Variants in MED13L observed in about 807,000 individuals in gnomAD.
MED13L encodes mediator of RNA polymerase II transcription subunit 13-like.
MED13L carries 7 observed loss-of-function variants against 220.9 expected under a neutral mutation model. The ratio of observed to expected loss-of-function variants is 0.03; its 90% CI spans 0.02 to 0.06. The LOEUF is 0.06. MED13L is among the 10% of genes least tolerant of loss of function. The pLI, the probability that MED13L is intolerant of heterozygous loss-of-function variation, is 1.00. For synonymous variants in MED13L, 1,011 were observed against 1,015.2 expected, an observed-to-expected ratio of 1.00 and a Z score of 0.08; for missense variants, 1,965 against 2,760.5, an observed-to-expected ratio of 0.71 and a Z score of 6.46.
chr12:116,094,130 A>G (rs1872474643), intron 4 of MED13L, among the ~76,000 whole-genome samples: 1 of 152,208 alleles, frequency 6.6e-6, no homozygotes, highest in African/African-American at 2.4e-5. Context: ...CTCAGGCATG[A>G]CTACTGAGAT....
At chr12:115,963,845 C>A (rs1875945851) in intron 29 of MED13L, among the ~76,000 whole-genome samples, 1 of 152,048 alleles carries the variant, frequency 6.6e-6, no homozygotes, top group African/African-American at 2.4e-5. Context: ...CGCCAAGATG[C>A]AACAATTATC....
At chr12:115,982,700 A>G (rs1365923563) in intron 21 of MED13L, 97 bp from the exon 22 acceptor site, 2 of 1,078,228 alleles carry the variant, frequency 1.9e-6, no homozygotes, top group African/African-American at 1.6e-5. Flanking sequence ...CAGGCTCCCT[A>G]AAGAATGTTT....
rs140951683 is a variant in MED13L at position 116,008,649 on chromosome 12, T to C, written c.1764A>G (p.Glu588=). ...CATCCAGAGTAGACAACTGCTGGAG[T>C]TCTAGTCCATTTCCATAAAGGGCTG... ...VNPALYGNGL[E]LQQLSTLDDR... The change falls in exon 10 of 31, where the codon GAA becomes GAG. Residue 588 remains glutamate (E), a synonymous_variant. Transcript: ENST00000281928. 22 of 1,613,932 alleles carry C rather than the reference T, an allele frequency of 1.4e-5. No homozygotes were observed. The South Asian group carries it at 2.1e-4, about 15-fold the overall frequency.
chr12:116,266,979 G>A, intron 1 of MED13L, among the ~76,000 whole-genome samples: 1 of 152,182 alleles, frequency 6.6e-6, no homozygotes, highest in East Asian at 1.9e-4. Flanking sequence ...TGTGACATGT[G>A]TGTCAAACTA....
At chr12:116,192,048 G>A (rs1011568993) in intron 2 of MED13L, among the ~76,000 whole-genome samples, 1 of 152,124 alleles carries the variant, frequency 6.6e-6, no homozygotes, top group Non-Finnish European at 1.5e-5. Flanking sequence ...CCAAATGCTA[G>A]GAAAGCAGAT....
intron 2 of MED13L, among the ~76,000 whole-genome samples, chr12:116,149,703 C>T (rs549270357): frequency 4.6e-5 from 7 of 152,204 alleles, no homozygotes; most frequent in African/African-American, 1.4e-4. Flanking sequence ...TAAGGAAAGA[C>T]GCTGATACAG....
At chr12:116,232,100 C>T in intron 2 of MED13L, 1 of 985,412 alleles carries the variant, frequency 1.0e-6, no homozygotes, top group Non-Finnish European at 1.2e-6. Context: ...TTTCCAGGCT[C>T]TCTTATGTCT....
intron 2 of MED13L, among the ~76,000 whole-genome samples, chr12:116,232,336 A>C (rs1207588509): frequency 6.6e-6 from 1 of 152,208 alleles, no homozygotes. Context: ...TAATCAAAAA[A>C]AGAGACAACA....
chr12:116,269,595 G>A lies in MED13L; in HGVS notation c.72+7465C>T, dbSNP rs1038806245. On this transcript the variant is annotated intron_variant, in intron 1 of 30. Coordinates refer to ENST00000281928, the MANE Select transcript of MED13L (RefSeq NM_015335.5). ...TAATCCCAACATTTGGGGAGGCTGC[G>A]GTGGGAGGACTGCTTGAGCCCACTG... 5.0e-4 allele frequency among the ~76,000 whole-genome samples: 76 copies of A among 152,192 alleles called. 1 individual carries two copies. The highest frequency in any genetic ancestry group is 1.3e-3 in the African/African-American group (56 of 41,532).
chr12:116,153,715 T>C (rs1392161123), intron 2 of MED13L, among the ~76,000 whole-genome samples: 1 of 152,170 alleles, frequency 6.6e-6, no homozygotes, highest in Non-Finnish European at 1.5e-5. Flanking sequence ...TTTTAACCCA[T>C]TCCCCCTTAC....
Position 116,015,098 on chromosome 12 carries a change from A to G in MED13L, c.1175+11T>C, listed in dbSNP as rs377382751. ...CTAAACTATGATCTAGACATAATCG[A>G]GAAAACTTACTTGGACTGGGTTCTG... On this transcript the variant is annotated intron_variant, in intron 8 of 30. Coordinates refer to ENST00000281928, the MANE Select transcript of MED13L (RefSeq NM_015335.5). The G allele has an allele frequency of 6.2e-7, 1 of 1,610,922 alleles. No homozygotes were observed. Among genetic ancestry groups the G allele is most frequent in the Non-Finnish European group, 8.5e-7 (1 of 1,177,148 alleles).
rs77870926 is a variant in MED13L at position 116,123,411 on chromosome 12, T to C, written c.311-11899A>G. Among the ~76,000 whole-genome samples the C allele has an allele frequency of 8.6e-3, 1,304 of 152,286 alleles. 21 individuals are homozygous for C. The highest frequency in any genetic ancestry group is 0.03 in the African/African-American group (1,243 of 41,562). ...AGAACATATACATTTAAATTCATCA[T>C]TGCTACAAATAAACATTTTATAAAC... On this transcript the variant is annotated intron_variant, in intron 2 of 30. Transcript: ENST00000281928.
At chr12:116,254,393 T>C (rs1871854249) in intron 1 of MED13L, among the ~76,000 whole-genome samples, 1 of 152,110 alleles carries the variant, frequency 6.6e-6, no homozygotes, top group Non-Finnish European at 1.5e-5. Flanking sequence ...AGTTGCAGTA[T>C]ACAGAATCAA....
intron 4 of MED13L, among the ~76,000 whole-genome samples, chr12:116,024,773 C>CGGGGGG (rs796599611): frequency 5.8e-3 from 29 of 5,032 alleles, no homozygotes; most frequent in Non-Finnish European, 8.1e-3. Context: ...TTTGGCGGGG[C>CGGGGGG]GGGGGGGGGG....
intron 4 of MED13L, among the ~76,000 whole-genome samples, chr12:116,077,139 C>T (rs752893056): frequency 2.6e-5 from 4 of 152,318 alleles, no homozygotes; most frequent in Admixed American, 1.3e-4. Context: ...CTCTTCTTTA[C>T]TAGAGCCCAT....
intron 2 of MED13L, chr12:116,236,989 A>C: frequency 2.5e-6 from 1 of 406,854 alleles, no homozygotes; most frequent in Non-Finnish European, 3.3e-6. Flanking sequence ...TTTCCTCAAA[A>C]TACTATTCAA....
intron 2 of MED13L, among the ~76,000 whole-genome samples, chr12:116,153,164 T>C (rs751655222): frequency 6.6e-6 from 1 of 152,164 alleles, no homozygotes; most frequent in Non-Finnish European, 1.5e-5. Flanking sequence ...ACAATAAATG[T>C]TAGCTATTAT....
intron 4 of MED13L, among the ~76,000 whole-genome samples, chr12:116,083,404 G>GA (rs61301423): frequency 0.17 from 13,278 of 78,626 alleles, 825 homozygotes; most frequent in Non-Finnish European, 0.21. Context: ...TGTCTCGAGG[G>GA]AAAAAAAAAA....
At chr12:116,176,319 T>C (rs1880056151) in intron 2 of MED13L, among the ~76,000 whole-genome samples, 1 of 152,174 alleles carries the variant, frequency 6.6e-6, no homozygotes, top group Admixed American at 6.5e-5. Context: ...TGTAAAACAT[T>C]ATAGAAACTA....
Sources: allele counts gnomAD v4.1 joint callset (sites outside exome capture counted in the v4.1 genomes callset), GRCh38; gene constraint gnomAD v4.1.1; transcripts MANE v1.5; gene names NCBI Gene and HGNC (gene_info 2026-07-23, HGNC 2026-07-21).